TBXAS1: variants seen among roughly 807,000 people sequenced by gnomAD.
The protein encoded by TBXAS1 is thromboxane A synthase 1, also known as thromboxane-A synthase.
In TBXAS1, 48 loss-of-function variants were observed where a neutral mutation model predicts 60.7. That is an observed-to-expected ratio of 0.79 (90% CI 0.63 to 1.01). The LOEUF is 1.01. Among genes scored for constraint, TBXAS1 ranks in the 50% least tolerant of loss-of-function variants. The pLI is 0.00. For synonymous variants in TBXAS1, 287 were observed against 269.7 expected, an observed-to-expected ratio of 1.06 and a Z score of -0.63; for missense variants, 685 against 686.3, an observed-to-expected ratio of 1.00 and a Z score of 0.02.
At position 139,844,133 on chromosome 7, in the gene TBXAS1, C is replaced by T. The variant is rs376640464; in HGVS notation, c.89+14654C>T. 1.4e-4 allele frequency among the ~76,000 whole-genome samples: 22 copies of T among 152,228 alleles called. No individual in the cohort carries two copies. The East Asian group carries it at 2.9e-3, about 20-fold the overall frequency. On this transcript the variant is annotated intron_variant, in intron 1 of 12. Transcript: ENST00000448866. The stretch of plus-strand genomic sequence containing the variant: ...AAGGAGGGGATGATGGAATGCAGGA[C>T]CCAGCCACTTAGAATACGTGGTACA...
Position 139,975,696 on chromosome 7 carries a change from C to T in TBXAS1, c.1134+13463C>T, listed in dbSNP as rs1811513657. ...TGACCTGTCATCCAGGCTCTGAGCC[C>T]TGAGGATAATAAGTTTCCCTCGAAG... On this transcript the variant is annotated intron_variant, in intron 9 of 12. Transcript: ENST00000448866. The surrounding 1 kb of genome is among the most constrained non-coding windows in gnomAD (Gnocchi z 4.4). Among the ~76,000 whole-genome samples, 1 of 152,210 alleles carries T rather than the reference C, an allele frequency of 6.6e-6. No homozygotes were observed. The highest frequency in any genetic ancestry group is 2.4e-5 in the African/African-American group (1 of 41,432).
intron 9 of TBXAS1, among the ~76,000 whole-genome samples, chr7:139,970,114 AT>A (rs907783073): frequency 2.6e-5 from 4 of 151,892 alleles, no homozygotes; most frequent in Admixed American, 2.6e-4. Context: ...TGTGATTATT[AT>A]TTTGTATTTA....
intron 5 of TBXAS1, 143 bp downstream of exon 5, chr7:139,936,450 T>C: frequency 1.2e-6 from 1 of 845,104 alleles, no homozygotes. Flanking sequence ...CAGACCTCTC[T>C]GTTATGCAGA....
chr7:139,907,217 TG>T (rs1189004695), intron 3 of TBXAS1, among the ~76,000 whole-genome samples: 1 of 152,196 alleles, frequency 6.6e-6, no homozygotes, highest in African/African-American at 2.4e-5. Flanking sequence ...TCTCTATTCC[TG>T]AGAGTGTTTA....
Position 139,960,740 on chromosome 7 carries a change from A to G in TBXAS1, c.820-1179A>G, listed in dbSNP as rs185126588. ...CAGCCTGGGTGACAGAGCAAAAAAAAAAAAAAAAGATGAAATCAGACGCTC... is the reference window on the plus strand; with the variant it reads ...CAGCCTGGGTGACAGAGCAAAAAAAGAAAAAAAAGATGAAATCAGACGCTC... On this transcript the variant is annotated intron_variant, in intron 8 of 12. Coordinates refer to ENST00000448866, the MANE Select transcript of TBXAS1 (RefSeq NM_001061.7). Among the ~76,000 whole-genome samples the G allele has an allele frequency of 4.3e-3, 650 of 152,176 alleles. 4 individuals carry two copies. Among genetic ancestry groups the G allele is most frequent in the African/African-American group, 0.014 (597 of 41,524 alleles).
At chr7:139,830,631 A>AC (rs1465859079) in intron 1 of TBXAS1, among the ~76,000 whole-genome samples, 1 of 150,836 alleles carries the variant, frequency 6.6e-6, no homozygotes, top group Non-Finnish European at 1.5e-5. Context: ...CTCCTTCCCT[A>AC]CCCCCAGCCC....
chr7:139,964,461 C>T (rs1469411189), intron 9 of TBXAS1, among the ~76,000 whole-genome samples: 1 of 152,182 alleles, frequency 6.6e-6, no homozygotes, highest in Non-Finnish European at 1.5e-5. Context: ...CAGACTCTAG[C>T]CCTCAGTCAA....
chr7:139,965,215 T>C (rs550421990), intron 9 of TBXAS1, among the ~76,000 whole-genome samples: 2 of 147,476 alleles, frequency 1.4e-5, no homozygotes, highest in South Asian at 2.1e-4. Context: ...AGAAACTCCG[T>C]CTCAAAAAAA....
chr7:139,966,785 C>A (rs976457800), intron 9 of TBXAS1, among the ~76,000 whole-genome samples: 2 of 152,216 alleles, frequency 1.3e-5, no homozygotes, highest in East Asian at 1.9e-4. Context: ...AATCAGTGCC[C>A]TTCTGTTCTC....
At chr7:139,823,880 G>A (rs894879547) in intron 4 of TBXAS1, among the ~76,000 whole-genome samples, 4 of 152,164 alleles carry the variant, frequency 2.6e-5, no homozygotes, top group African/African-American at 9.7e-5. Flanking sequence ...GAATTTCTTG[G>A]TACTTGTATG....
At chr7:139,850,119 TTTAAC>T (rs1800109524) in intron 1 of TBXAS1, among the ~76,000 whole-genome samples, 2 of 152,344 alleles carry the variant, frequency 1.3e-5, no homozygotes, top group South Asian at 4.1e-4. Flanking sequence ...ACATCGTGAA[TTTAAC>T]TTGAGTTCTC....
chr7:139,851,952 C>G (rs1377724724), intron 1 of TBXAS1, among the ~76,000 whole-genome samples: 4 of 152,192 alleles, frequency 2.6e-5, no homozygotes, highest in African/African-American at 9.7e-5. Context: ...TTATTGGAGA[C>G]TGGGGTTTCC....
chr7:139,807,320 C>T (rs1336553329), intron 4 of TBXAS1, among the ~76,000 whole-genome samples: 1 of 152,152 alleles, frequency 6.6e-6, no homozygotes, highest in South Asian at 2.1e-4. Context: ...GATCCTCCAG[C>T]CTCAGCCTCC....
At chr7:139,855,266 C>G (rs762117074) in intron 1 of TBXAS1, among the ~76,000 whole-genome samples, 6 of 152,222 alleles carry the variant, frequency 3.9e-5, no homozygotes, top group South Asian at 2.1e-4. Context: ...AGAAAACAAA[C>G]TAAGACAGGT....
At chr7:139,822,356 TTCCCCCACCC>T in intron 4 of TBXAS1, among the ~76,000 whole-genome samples, 1 of 152,130 alleles carries the variant, frequency 6.6e-6, no homozygotes, top group Non-Finnish European at 1.5e-5. Context: ...TTGGTGTTGG[TTCCCCCACCC>T]TCAACTCCGT....
At chr7:139,912,982 C>T (rs986759304) in intron 4 of TBXAS1, 5 of 639,448 alleles carry the variant, frequency 7.8e-6, no homozygotes, top group East Asian at 5.5e-5. Flanking sequence ...AAAGCTGTGA[C>T]AGCTGCCTCA....
chr7:139,864,628 A>C (rs1801216830), intron 1 of TBXAS1, among the ~76,000 whole-genome samples: 1 of 151,418 alleles, frequency 6.6e-6, no homozygotes, highest in South Asian at 2.1e-4. Flanking sequence ...AAAAAAACAA[A>C]GAGTGTGATT....
At chr7:139,971,688 C>G (rs1348491114) in intron 9 of TBXAS1, among the ~76,000 whole-genome samples, 2 of 152,076 alleles carry the variant, frequency 1.3e-5, no homozygotes, top group African/African-American at 4.8e-5. Flanking sequence ...GGAAACTGAC[C>G]CGCTCTGCCT....
intron 4 of TBXAS1, among the ~76,000 whole-genome samples, chr7:139,918,158 C>G (rs1008707287): frequency 6.6e-5 from 10 of 152,120 alleles, no homozygotes; most frequent in Non-Finnish European, 1.5e-4. Flanking sequence ...GGTGAAATGT[C>G]TTTGATTTTA....
Sources: gnomAD v4.1 joint callset for allele counts (sites outside exome capture counted in the v4.1 genomes callset) on GRCh38, gnomAD v4.1.1 for gene constraint, Gnocchi (gnomAD v3.1) non-coding constraint, MANE v1.5 for transcripts, NCBI Gene and HGNC (gene_info 2026-07-23, HGNC 2026-07-21) for gene names.